MIAT: variants seen among roughly 807,000 people sequenced by gnomAD.
MIAT encodes the protein MI related novel mRNA.
At chr22:26,658,605 T>C (rs1569219163) in intron 2 of MIAT, among the ~76,000 whole-genome samples, 2 of 151,982 alleles carry the variant, frequency 1.3e-5, no homozygotes, top group African/African-American at 4.8e-5. Context: ...CGGAGGGCCC[T>C]GGGGTAGAGA....
chr22:26,659,871 T>A (rs1394142834), intron 2 of MIAT, among the ~76,000 whole-genome samples: 1 of 148,210 alleles, frequency 6.7e-6, no homozygotes, highest in Non-Finnish European at 1.5e-5. Context: ...GAGCCTTACT[T>A]TTTGCTCAGG....
chr22:26,663,865 C>T (rs1930754902), intron 3 of MIAT, among the ~76,000 whole-genome samples: 1 of 151,930 alleles, frequency 6.6e-6, no homozygotes, highest in African/African-American at 2.4e-5. Context: ...AAATGTTCCC[C>T]TGTATTCCCT....
chr22:26,665,258 A>AGAAAGAAAGAAAGAAAGAAG (rs1180255703), intron 3 of MIAT, among the ~76,000 whole-genome samples: 4 of 36,252 alleles, frequency 1.1e-4, no homozygotes, highest in African/African-American at 3.3e-4. Context: ...AAAGAAAGAA[A>AGAAAGAAAGAAAGAAAGAAG]GAAAGAAAGA....
At chr22:26,665,675 G>A (rs1449898901) in exon 4 of MIAT, 12 of 398,542 alleles carry the variant, frequency 3.0e-5, no homozygotes. Flanking sequence ...CTTCTGGTCT[G>A]TGCAGGAAAG....
chr22:26,648,412 T>C (rs1416677352), intron 2 of MIAT, among the ~76,000 whole-genome samples: 1 of 152,118 alleles, frequency 6.6e-6, no homozygotes, highest in East Asian at 1.9e-4. Context: ...GCGAGGTGCA[T>C]GGAGCAGGGA....
intron 2 of MIAT, among the ~76,000 whole-genome samples, chr22:26,661,937 T>TATCTATATAGATCC (rs1555948793): frequency 0.022 from 852 of 38,092 alleles, 20 homozygotes; most frequent in African/African-American, 0.066. Flanking sequence ...TATATATATA[T>TATCTATATAGATCC]ATATATATAT....
At chr22:26,666,833 G>A (rs1192626196) in exon 4 of MIAT, 2 of 398,960 alleles carry the variant, frequency 5.0e-6, no homozygotes, top group African/African-American at 2.1e-5. Context: ...TTTCTCCTGC[G>A]GTGTGGTTGG....
intron 2 of MIAT, among the ~76,000 whole-genome samples, chr22:26,648,373 C>T (rs1405015610): frequency 6.6e-6 from 1 of 152,136 alleles, no homozygotes; most frequent in Non-Finnish European, 1.5e-5. Context: ...TAGGCAAGCG[C>T]ACACGCTGGA....
At chr22:26,659,840 C>CTTTCTTTTTTT (rs1249099894) in intron 2 of MIAT, among the ~76,000 whole-genome samples, 1 of 94,968 alleles carries the variant, frequency 1.1e-5, no homozygotes, top group Non-Finnish European at 2.0e-5. Context: ...TTCTTTCTTT[C>CTTTCTTTTTTT]TTTTTTTTTT....
intron 2 of MIAT, among the ~76,000 whole-genome samples, chr22:26,652,559 T>C (rs1930354306): frequency 6.6e-6 from 1 of 152,108 alleles, no homozygotes; most frequent in Admixed American, 6.5e-5. Context: ...GATTTCACCA[T>C]GCTGGTCAGG....
chr22:26,668,766 C>T (rs986860856), exon 6 of MIAT: 10 of 399,260 alleles, frequency 2.5e-5, no homozygotes, highest in African/African-American at 2.1e-4. Flanking sequence ...GGGGCTTTTC[C>T]ATGCTTTTCC....
At chr22:26,647,556 G>A (rs924943599) in intron 2 of MIAT, among the ~76,000 whole-genome samples, 1 of 152,180 alleles carries the variant, frequency 6.6e-6, no homozygotes, top group African/African-American at 2.4e-5. Context: ...AGGCTGGGCT[G>A]CTCCTGGAAG....
chr22:26,666,493 G>T (rs779839624), exon 4 of MIAT: 2 of 398,662 alleles, frequency 5.0e-6, no homozygotes. Context: ...AGGCAGGAAG[G>T]GTTCCAGGGC....
At chr22:26,675,190 C>T (rs190417068) in exon 5 of MIAT, 3 of 398,968 alleles carry the variant, frequency 7.5e-6, no homozygotes, top group Admixed American at 4.4e-5. Flanking sequence ...GGCATCTAAG[C>T]TGAGCTGTGG....
At chr22:26,664,073 G>C (rs947114210) in intron 3 of MIAT, among the ~76,000 whole-genome samples, 3 of 146,910 alleles carry the variant, frequency 2.0e-5, no homozygotes, top group Admixed American at 1.4e-4. Flanking sequence ...GTGCAGTGGA[G>C]CCATCTCGGC....
At chr22:26,652,064 G>C (rs182399239) in intron 2 of MIAT, among the ~76,000 whole-genome samples, 3 of 152,180 alleles carry the variant, frequency 2.0e-5, no homozygotes, top group Admixed American at 2.0e-4. Context: ...TGCAATCAGA[G>C]CTCACTGCAG....
exon 4 of MIAT, chr22:26,666,118 C>A (rs1930836322): frequency 2.5e-6 from 1 of 398,540 alleles, no homozygotes; most frequent in South Asian, 1.3e-4. Context: ...TGCCCCCACT[C>A]CCGGGTGCTG....
At chr22:26,674,779 G>T in exon 5 of MIAT, 1 of 398,666 alleles carries the variant, frequency 2.5e-6, no homozygotes, top group Non-Finnish European at 4.4e-6. Flanking sequence ...AAAGCAGGAA[G>T]CTCACACCTC....
At chr22:26,647,332 A>G in intron 2 of MIAT, 1 of 217,972 alleles carries the variant, frequency 4.6e-6, no homozygotes, top group Non-Finnish European at 8.6e-6. Context: ...CCCATGATGA[A>G]CCTCACGGGT....
Sources: allele counts gnomAD v4.1 joint callset (sites outside exome capture counted in the v4.1 genomes callset), GRCh38; gene constraint gnomAD v4.1.1; transcripts MANE v1.5; gene names NCBI Gene and HGNC (gene_info 2026-07-23, HGNC 2026-07-21).